SDK1: variants seen among roughly 807,000 people sequenced by gnomAD.
SDK1 encodes the protein sidekick cell adhesion molecule 1, also known as protein sidekick-1.
In SDK1, 157 loss-of-function variants were observed where a neutral mutation model predicts 245.5. That is an observed-to-expected ratio of 0.64 (90% CI 0.56 to 0.73). The LOEUF (loss-of-function observed/expected upper bound fraction) is 0.73, where lower values mean the gene tolerates loss of function less well. Ranked by LOEUF, SDK1 falls within the 30% of genes least tolerant of loss-of-function variation. The probability of loss-of-function intolerance (pLI) is 0.00; values close to 1 mark genes in which losing one functional copy is unlikely to be tolerated. For synonymous variants in SDK1, 1,647 were observed against 1,278.5 expected, an observed-to-expected ratio of 1.29 and a Z score of -6.15; for missense variants, 3,583 against 3,002.3, an observed-to-expected ratio of 1.19 and a Z score of -4.52.
At chr7:4,216,911 C>T (rs1235272815) in intron 38 of SDK1, among the ~76,000 whole-genome samples, 8 of 152,166 alleles carry the variant, frequency 5.3e-5, no homozygotes, top group Non-Finnish European at 8.8e-5. Context: ...CCAGCCATCC[C>T]CGTCACTCTA....
At chr7:3,628,091 G>A (rs895897355) in intron 2 of SDK1, among the ~76,000 whole-genome samples, 2 of 152,104 alleles carry the variant, frequency 1.3e-5, no homozygotes. Flanking sequence ...GGCCACGCAT[G>A]AGTAAGGCCA....
chr7:4,248,928 T>G (rs1327696267), intron 44 of SDK1, among the ~76,000 whole-genome samples: 2 of 147,522 alleles, frequency 1.4e-5, no homozygotes, highest in East Asian at 3.9e-4. Context: ...CATACACATA[T>G]GTACATACAT....
At chr7:3,510,421 C>T (rs537152923) in intron 1 of SDK1, among the ~76,000 whole-genome samples, 1 of 152,278 alleles carries the variant, frequency 6.6e-6, no homozygotes, top group African/African-American at 2.4e-5. Flanking sequence ...TGCCAAGGCA[C>T]TCGGTCTTCT....
intron 5 of SDK1, among the ~76,000 whole-genome samples, chr7:3,933,021 G>A (rs1048731999): frequency 4.6e-5 from 7 of 151,934 alleles, no homozygotes; most frequent in South Asian, 2.1e-4. Flanking sequence ...TGGTGCCACC[G>A]TGCTGGTAGA....
intron 20 of SDK1, among the ~76,000 whole-genome samples, chr7:4,075,513 GCTGTTTT>G (rs1194918766): frequency 5.3e-5 from 8 of 152,114 alleles, no homozygotes; most frequent in African/African-American, 1.7e-4. Context: ...AGCGTTTTCA[GCTGTTTT>G]CTTTTGCCTG....
intron 5 of SDK1, among the ~76,000 whole-genome samples, chr7:3,904,838 A>G (rs1406394947): frequency 2.0e-5 from 3 of 152,054 alleles, no homozygotes; most frequent in Non-Finnish European, 2.9e-5. Context: ...CTGAAAATAC[A>G]AAAGATTAGC....
intron 5 of SDK1, among the ~76,000 whole-genome samples, chr7:3,849,718 T>C (rs939487689): frequency 6.6e-5 from 10 of 152,214 alleles, no homozygotes; most frequent in Admixed American, 5.9e-4. Context: ...ATGTTGCTGA[T>C]AGCTGGCCAT....
chr7:3,430,275 A>G (rs747449082), intron 1 of SDK1, among the ~76,000 whole-genome samples: 6 of 152,112 alleles, frequency 3.9e-5, no homozygotes, highest in Non-Finnish European at 1.5e-5. Context: ...GACCATATCA[A>G]TGTTCTTAAT....
intron 5 of SDK1, among the ~76,000 whole-genome samples, chr7:3,825,958 CA>C (rs1461601441): frequency 2.0e-5 from 3 of 152,182 alleles, no homozygotes; most frequent in Non-Finnish European, 1.5e-5. Context: ...AATTTAGAAC[CA>C]AGCATAGTTT....
chr7:4,029,508 GC>G (rs1265668260), intron 17 of SDK1, among the ~76,000 whole-genome samples: 2 of 150,066 alleles, frequency 1.3e-5, no homozygotes, highest in Non-Finnish European at 2.9e-5. Context: ...ACTATGCCCT[GC>G]CGATTTTCTT....
At position 4,268,715 on chromosome 7, in the gene SDK1, C is replaced by G. The variant is rs1788623635; in HGVS notation, c.*3331C>G. On this transcript the variant is annotated 3_prime_UTR_variant, in exon 45 of 45. Coordinates refer to ENST00000404826, the MANE Select transcript of SDK1 (RefSeq NM_152744.4). ...CCTGACGAGCAACCCGTCTGCGTAC[C>G]TAAGTGTGGCTCCCCGTGGGTCAGC... is the stretch of plus-strand genomic sequence containing the variant. 2.2e-6 allele frequency: 3 copies of G among 1,367,730 alleles called. No individual in the cohort carries two copies. The highest frequency in any genetic ancestry group is 1.9e-5 in the Admixed American group (1 of 52,562). The allele number at this position is 1,367,730 out of a possible 1,614,324, so 84.7% of individuals were successfully genotyped here. A position where few individuals can be genotyped will look rare whatever the true frequency, so the allele number is the denominator to read the frequency against.
At chr7:3,470,608 T>C (rs1037340089) in intron 1 of SDK1, among the ~76,000 whole-genome samples, 2 of 152,108 alleles carry the variant, frequency 1.3e-5, no homozygotes, top group African/African-American at 4.8e-5. Flanking sequence ...TTATTATGAC[T>C]TTGGCAGTAT....
chr7:3,454,388 T>TTTTG (rs71552305), intron 1 of SDK1, among the ~76,000 whole-genome samples: 1 of 141,686 alleles, frequency 7.1e-6, no homozygotes, highest in African/African-American at 2.6e-5. Flanking sequence ...TCCCCAAGAT[T>TTTTG]TGTGTGTGTG....
rs1019210308 is a variant in SDK1, at chr7:4,158,477, G to A, written c.4655G>A (p.Arg1552His). The A allele has an allele frequency of 3.7e-6, 6 of 1,613,562 alleles. No homozygotes were observed. Among genetic ancestry groups the A allele is most frequent in the East Asian group, 2.2e-5 (1 of 44,864 alleles). ...RLRPFTSYKL[R>H]LKATNDIGDS... is the part of the protein sequence containing the mutation. ...AGGCCCTTCACCTCCTACAAGCTGC[G>A]CCTGAAAGCCACCAACGACATTGGG... The change falls in exon 31 of 45, where the codon CGC becomes CAC. Residue 1552 changes from arginine (R) to histidine (H), a missense_variant. Physicochemically the swap from Arg to His is conservative, Grantham distance 29 (BLOSUM62 0). Transcript: ENST00000404826.
intron 5 of SDK1, among the ~76,000 whole-genome samples, chr7:3,884,717 C>A (rs1217383335): frequency 6.6e-6 from 1 of 152,238 alleles, no homozygotes; most frequent in Non-Finnish European, 1.5e-5. Context: ...CCAGGAACTA[C>A]AGCTATGGGC....
intron 1 of SDK1, among the ~76,000 whole-genome samples, chr7:3,432,723 G>T (rs763657943): frequency 6.6e-6 from 1 of 152,082 alleles, no homozygotes; most frequent in African/African-American, 2.4e-5. Context: ...TGATTGATCC[G>T]GTTGTGAAAT....
chr7:4,138,871 C>A (rs1231736783), intron 28 of SDK1, among the ~76,000 whole-genome samples: 1 of 152,178 alleles, frequency 6.6e-6, no homozygotes, highest in Non-Finnish European at 1.5e-5. Flanking sequence ...GCAGCATGGT[C>A]CTCCTGCAGA....
chr7:3,763,315 A>G (rs181189107), intron 4 of SDK1, among the ~76,000 whole-genome samples: 1 of 152,340 alleles, frequency 6.6e-6, no homozygotes, highest in Non-Finnish European at 1.5e-5. Flanking sequence ...TCTTAAGCAT[A>G]CAACTCGATC....
intron 1 of SDK1, among the ~76,000 whole-genome samples, chr7:3,343,311 T>C (rs1170881109): frequency 6.6e-6 from 1 of 152,220 alleles, no homozygotes; most frequent in Non-Finnish European, 1.5e-5. Flanking sequence ...ACAGTACTTC[T>C]GTATCATGAT....
Sources: gnomAD v4.1 joint callset for allele counts (sites outside exome capture counted in the v4.1 genomes callset) on GRCh38, gnomAD v4.1.1 for gene constraint, MANE v1.5 for transcripts, NCBI Gene and HGNC (gene_info 2026-07-23, HGNC 2026-07-21) for gene names.